The following SLC35F3 variants were observed in gnomAD, a reference collection of about 807,000 sequenced individuals.
SLC35F3 encodes solute carrier family 35 member F3.
Under a neutral mutation model 49.9 loss-of-function variants are expected in SLC35F3, and 25 were observed. The ratio of observed to expected loss-of-function variants is 0.50; its 90% CI spans 0.37 to 0.70. The LOEUF is 0.70. Ranked by LOEUF, SLC35F3 falls within the 30% of genes least tolerant of loss-of-function variation. The pLI is 0.00. For missense variants in SLC35F3, 525 were observed against 639.8 expected (o/e 0.82, Z 1.94); for synonymous variants, 275 against 265.4 (o/e 1.04, Z -0.35).
At chr1:234,192,459 A>G (rs186802441) in intron 2 of SLC35F3, among the ~76,000 whole-genome samples, 1 of 152,362 alleles carries the variant, frequency 6.6e-6, no homozygotes, top group Admixed American at 6.5e-5. Flanking sequence ...TCAGTGTAGT[A>G]AAAACTGTCT....
chr1:233,958,126 A>G (rs1354954149), intron 2 of SLC35F3, among the ~76,000 whole-genome samples: 4 of 152,200 alleles, frequency 2.6e-5, no homozygotes, highest in African/African-American at 9.6e-5. Context: ...TAATGTCACC[A>G]CTGCTGCCTT....
At chr1:233,951,641 CAG>C (rs1662609481) in intron 2 of SLC35F3, among the ~76,000 whole-genome samples, 1 of 152,130 alleles carries the variant, frequency 6.6e-6, no homozygotes. Flanking sequence ...TAGGATGTCT[CAG>C]AGCTGACTCT....
chr1:234,207,423 T>G, intron 2 of SLC35F3, among the ~76,000 whole-genome samples: 1 of 2,394 alleles, frequency 4.2e-4, no homozygotes, highest in Non-Finnish European at 1.1e-3. Context: ...CCTTTCTCCC[T>G]CCCTCTTTCC....
At position 234,101,885 on chromosome 1, in the gene SLC35F3, G is replaced by A. The variant is rs12566503; in HGVS notation, c.284-129532G>A. On this transcript the variant is annotated intron_variant, in intron 2 of 7. Coordinates refer to ENST00000366618, the MANE Select transcript of SLC35F3 (RefSeq NM_173508.4). ...CTGCAAAGTATTTTATTTTGCTGTA[G>A]CAATATCAGGATAAACTTAAAATAG... Among the ~76,000 whole-genome samples, 299 of 152,330 alleles carry A rather than the reference G, an allele frequency of 2.0e-3. 10 individuals carry two copies. The East Asian group carries it at 0.05, about 25-fold the overall frequency.
chr1:234,164,473 C>T (rs1666282549), intron 2 of SLC35F3, among the ~76,000 whole-genome samples: 1 of 151,918 alleles, frequency 6.6e-6, no homozygotes, highest in African/African-American at 2.4e-5. Flanking sequence ...CCACATACCC[C>T]AGGCTTGTGA....
chr1:233,936,997 G>T (rs1271745702), intron 2 of SLC35F3, among the ~76,000 whole-genome samples: 1 of 152,128 alleles, frequency 6.6e-6, no homozygotes, highest in Non-Finnish European at 1.5e-5. Flanking sequence ...GGCCACCTCT[G>T]TCTTCTTACA....
chr1:233,948,122 A>T (rs1662542953), intron 2 of SLC35F3, among the ~76,000 whole-genome samples: 1 of 150,198 alleles, frequency 6.7e-6, no homozygotes, highest in Non-Finnish European at 1.5e-5. Context: ...GGGAACCAGG[A>T]TGATCTGAAT....
At chr1:234,208,632 C>T (rs533695660) in intron 2 of SLC35F3, among the ~76,000 whole-genome samples, 2 of 152,280 alleles carry the variant, frequency 1.3e-5, no homozygotes, top group East Asian at 1.9e-4. Flanking sequence ...TACTGCCTTT[C>T]GCTGTGGTTT....
chr1:234,053,921 GA>G (rs1308086142), intron 2 of SLC35F3, among the ~76,000 whole-genome samples: 1 of 152,194 alleles, frequency 6.6e-6, no homozygotes, highest in Non-Finnish European at 1.5e-5. Context: ...GGCTTGATAT[GA>G]AATTCTGGGT....
intron 2 of SLC35F3, among the ~76,000 whole-genome samples, chr1:234,126,477 A>ATGTGTGTGTG (rs111609229): frequency 9.3e-5 from 14 of 151,052 alleles, no homozygotes; most frequent in African/African-American, 2.4e-4. Context: ...CCTGTTTTAC[A>ATGTGTGTGTG]TGTGTGTGTG....
At chr1:234,075,892 C>T (rs1001208747) in intron 2 of SLC35F3, among the ~76,000 whole-genome samples, 4 of 152,220 alleles carry the variant, frequency 2.6e-5, no homozygotes, top group African/African-American at 9.6e-5. Context: ...CTACCTGCTC[C>T]TTTTCTCCTG....
chr1:234,019,959 G>A (rs1248769612), intron 2 of SLC35F3, among the ~76,000 whole-genome samples: 2 of 152,084 alleles, frequency 1.3e-5, no homozygotes, highest in Non-Finnish European at 2.9e-5. Context: ...TTCACTCAAG[G>A]GCAAGTTGAG....
chr1:234,319,996 G>A, intron 6 of SLC35F3, 102 bp from the exon 7 acceptor site: 2 of 766,108 alleles, frequency 2.6e-6, no homozygotes, highest in South Asian at 1.5e-5. Flanking sequence ...TAACTCCTAT[G>A]ACTCCAGCCT....
intron 2 of SLC35F3, among the ~76,000 whole-genome samples, chr1:233,982,112 A>G (rs1012799741): frequency 2.0e-5 from 3 of 152,086 alleles, no homozygotes; most frequent in African/African-American, 4.8e-5. Context: ...TTTAGTAGAG[A>G]TGGGGTTTTG....
At chr1:233,984,870 A>T (rs1161925520) in intron 2 of SLC35F3, among the ~76,000 whole-genome samples, 1 of 152,224 alleles carries the variant, frequency 6.6e-6, no homozygotes, top group African/African-American at 2.4e-5. Flanking sequence ...CAAACATCCC[A>T]TGATTCTAGC....
chr1:234,010,992 A>G (rs1343015871), intron 2 of SLC35F3, among the ~76,000 whole-genome samples: 2 of 152,214 alleles, frequency 1.3e-5, no homozygotes, highest in Non-Finnish European at 2.9e-5. Context: ...GTGAATATGT[A>G]TAACCAAATC....
intron 2 of SLC35F3, among the ~76,000 whole-genome samples, chr1:234,146,505 T>TTTTTTTTTTTTTTTC (rs1553309510): frequency 7.2e-6 from 1 of 137,942 alleles, no homozygotes; most frequent in African/African-American, 3.0e-5. Context: ...TTTTTTTTTT[T>TTTTTTTTTTTTTTTC]CTGGAGACGG....
intron 2 of SLC35F3, among the ~76,000 whole-genome samples, chr1:234,104,661 A>G (rs1665257943): frequency 6.6e-6 from 1 of 152,232 alleles, no homozygotes. Context: ...TAGACTCAAA[A>G]TACAATTGCC....
At chr1:233,978,568 G>A (rs969686718) in intron 2 of SLC35F3, among the ~76,000 whole-genome samples, 1 of 152,290 alleles carries the variant, frequency 6.6e-6, no homozygotes, top group African/African-American at 2.4e-5. Context: ...CTGGGACTGC[G>A]GCTGCAATCC....
Sources: allele counts gnomAD v4.1 joint callset (sites outside exome capture counted in the v4.1 genomes callset), GRCh38; gene constraint gnomAD v4.1.1; transcripts MANE v1.5; gene names NCBI Gene and HGNC (gene_info 2026-07-23, HGNC 2026-07-21).